RPS6KA3: variants seen among roughly 807,000 people sequenced by gnomAD.
RPS6KA3 encodes the protein ribosomal protein S6 kinase A3.
RPS6KA3 carries 4 observed loss-of-function variants against 67.2 expected under a neutral mutation model. The ratio of observed to expected loss-of-function variants is 0.06; its 90% CI spans 0.03 to 0.14. The LOEUF is 0.14. Ranked by LOEUF, RPS6KA3 falls within the 10% of genes least tolerant of loss-of-function variation. The pLI, the probability that RPS6KA3 is intolerant of heterozygous loss-of-function variation, is 1.00. For missense variants in RPS6KA3, 204 were observed against 559.0 expected (o/e 0.36, Z 6.40); for synonymous variants, 182 against 183.7 (o/e 0.99, Z 0.07).
chrX:20,176,739 G>A (rs1178551901), intron 11 of RPS6KA3, among the ~76,000 whole-genome samples: 1 of 110,477 alleles, frequency 9.1e-6, no homozygotes, highest in East Asian at 2.8e-4. Flanking sequence ...CTACAGGCAC[G>A]CACCACCATG....
intron 4 of RPS6KA3, among the ~76,000 whole-genome samples, chrX:20,195,853 T>A (rs1268696788): frequency 8.9e-6 from 1 of 112,416 alleles, no homozygotes; most frequent in African/African-American, 3.2e-5. Context: ...ATAACACTAC[T>A]GTAGCTTTGA....
At chrX:20,160,904 A>G (rs1281835711) in intron 20 of RPS6KA3, among the ~76,000 whole-genome samples, 2 of 111,312 alleles carry the variant, frequency 1.8e-5, no homozygotes, top group Non-Finnish European at 3.8e-5. Context: ...AAGAATATGC[A>G]CTTTCACCAA....
chrX:20,172,668 G>C, intron 15 of RPS6KA3, 78 bp downstream of exon 15: 1 of 877,155 alleles, frequency 1.1e-6, no homozygotes, highest in Non-Finnish European at 1.6e-6. Flanking sequence ...TAACAACAAG[G>C]GGAGTGTAAT....
chrX:20,255,203 A>T (rs1286301003), intron 1 of RPS6KA3, among the ~76,000 whole-genome samples: 2 of 112,070 alleles, frequency 1.8e-5, no homozygotes, highest in Non-Finnish European at 3.8e-5. Context: ...ACCTTGAAAC[A>T]TGCAAGAACC....
intron 2 of RPS6KA3, among the ~76,000 whole-genome samples, chrX:20,211,832 C>T: frequency 8.9e-6 from 1 of 112,037 alleles, no homozygotes; most frequent in East Asian, 2.8e-4. Context: ...TAATTGGAAT[C>T]TAGCAGCCAT....
intron 1 of RPS6KA3, among the ~76,000 whole-genome samples, chrX:20,246,813 C>T (rs1420042619): frequency 2.7e-5 from 3 of 111,838 alleles, no homozygotes; most frequent in South Asian, 3.7e-4. Context: ...ACAAGGAAAA[C>T]GATACAATGG....
intron 10 of RPS6KA3, among the ~76,000 whole-genome samples, chrX:20,180,121 G>C (rs867584675): frequency 9.6e-6 from 1 of 104,539 alleles, no homozygotes; most frequent in African/African-American, 3.5e-5. Context: ...TTTTTTAAAA[G>C]AAAAGCAATT....
intron 1 of RPS6KA3, among the ~76,000 whole-genome samples, chrX:20,256,043 G>T (rs1483990415): frequency 9.5e-6 from 1 of 105,536 alleles, no homozygotes; most frequent in Non-Finnish European, 1.9e-5. Context: ...CCAGGAGGCA[G>T]AGGTTGCAGT....
intron 1 of RPS6KA3, among the ~76,000 whole-genome samples, chrX:20,255,326 TG>T (rs2070009919): frequency 9.2e-6 from 1 of 108,198 alleles, no homozygotes; most frequent in Non-Finnish European, 1.9e-5. Flanking sequence ...ACTGGGGGAA[TG>T]GAGGAAATGG....
chrX:20,258,697 T>A (rs1278070710), intron 1 of RPS6KA3, among the ~76,000 whole-genome samples: 1 of 112,218 alleles, frequency 8.9e-6, no homozygotes, highest in Non-Finnish European at 1.9e-5. Flanking sequence ...TTAAGTTATA[T>A]AAGAGACCAT....
intron 10 of RPS6KA3, among the ~76,000 whole-genome samples, chrX:20,185,534 T>A (rs1051439747): frequency 1.8e-5 from 2 of 111,226 alleles, no homozygotes; most frequent in African/African-American, 6.5e-5. Flanking sequence ...CTACAGGTGC[T>A]TACCAACATG....
rs1054100249 is a variant in RPS6KA3, at chrX:20,266,897, C to T, written c.-265G>A. 5.4e-5 allele frequency: 31 copies of T among 574,101 alleles called. No individual in the cohort carries two copies. The highest frequency in any genetic ancestry group is 8.8e-5 in the Admixed American group (1 of 11,336). The allele number at this position is 574,101 out of a possible 1,213,427, so 47.3% of individuals were successfully genotyped here. A position where few individuals can be genotyped will look rare whatever the true frequency, so the allele number is the denominator to read the frequency against. On this transcript the variant is annotated 5_prime_UTR_variant, in exon 1 of 22. Transcript: ENST00000379565. Reference sequence around the variant, plus strand: ...CTCGCGCCTCCGCTGGGCACCGGGTCTCGCCCCTTTCTTCCTCTCCTCCTT... The same window carrying T: ...CTCGCGCCTCCGCTGGGCACCGGGTTTCGCCCCTTTCTTCCTCTCCTCCTT...
In RPS6KA3 at chrX:20,157,557, A is replaced by G. The variant is rs1309734975; in HGVS notation, c.1960-1308T>C. Among the ~76,000 whole-genome samples, 3 of 110,375 alleles carry G rather than the reference A, an allele frequency of 2.7e-5. No individual in the cohort carries two copies. The Admixed American group carries it at 2.9e-4, about 11-fold the overall frequency. The stretch of plus-strand genomic sequence containing the variant: ...TCTGACTTCATGAAGTTTTCAGTTC[A>G]GTGAAGGAGAGATAAAGAATCAATA... On this transcript the variant is annotated intron_variant, in intron 20 of 21. Transcript: ENST00000379565.
At chrX:20,191,223 G>A (rs1271181566) in intron 7 of RPS6KA3, among the ~76,000 whole-genome samples, 1 of 111,816 alleles carries the variant, frequency 8.9e-6, no homozygotes, top group Non-Finnish European at 1.9e-5. Context: ...TAGCTGCACA[G>A]TATTCCATGG....
At chrX:20,220,462 G>C (rs772522038) in intron 2 of RPS6KA3, among the ~76,000 whole-genome samples, 4 of 107,054 alleles carry the variant, frequency 3.7e-5, no homozygotes, top group Non-Finnish European at 7.6e-5. Flanking sequence ...TAGGACAACC[G>C]CCTAACACAG....
At chrX:20,260,296 T>G (rs932607866) in intron 1 of RPS6KA3, among the ~76,000 whole-genome samples, 13 of 111,872 alleles carry the variant, frequency 1.2e-4, no homozygotes, top group African/African-American at 4.2e-4. Flanking sequence ...AAAGATACAA[T>G]CAAGTGTAAG....
intron 4 of RPS6KA3, 65 bp from the exon 5 acceptor site, chrX:20,195,210 T>C: frequency 1.4e-6 from 1 of 723,985 alleles, no homozygotes. Flanking sequence ...AAACAAATTC[T>C]TTTTGGTGCC....
intron 1 of RPS6KA3, among the ~76,000 whole-genome samples, chrX:20,239,183 CATA>C (rs2069489937): frequency 9.0e-6 from 1 of 111,025 alleles, no homozygotes; most frequent in Non-Finnish European, 1.9e-5. Context: ...ACAAGATGCA[CATA>C]ATATCTACCT....
chrX:20,173,547 G>A (rs2067623766), intron 14 of RPS6KA3, among the ~76,000 whole-genome samples: 1 of 111,675 alleles, frequency 9.0e-6, no homozygotes, highest in Non-Finnish European at 1.9e-5. Context: ...CCATAAACAG[G>A]CTGAGGAAAG....
Sources: gnomAD v4.1 joint callset for allele counts (sites outside exome capture counted in the v4.1 genomes callset) on GRCh38, gnomAD v4.1.1 for gene constraint, MANE v1.5 for transcripts, NCBI Gene and HGNC (gene_info 2026-07-23, HGNC 2026-07-21) for gene names.